Variants in C1GALT1 observed in about 807,000 individuals in gnomAD.
C1GALT1 encodes the protein core 1 synthase, glycoprotein-N-acetylgalactosamine 3-beta-galactosyltransferase 1.
C1GALT1 carries 11 observed loss-of-function variants against 31.0 expected under a neutral mutation model. The observed-to-expected ratio is 0.36, with a 90% CI of 0.22 to 0.59. The LOEUF (loss-of-function observed/expected upper bound fraction) is 0.59, where lower values mean the gene tolerates loss of function less well. Among genes scored for constraint, C1GALT1 ranks in the 20% least tolerant of loss-of-function variants. The pLI, the probability that C1GALT1 is intolerant of heterozygous loss-of-function variation, is 0.79. For synonymous variants in C1GALT1, 175 were observed against 143.6 expected, an observed-to-expected ratio of 1.22 and a Z score of -1.56; for missense variants, 424 against 425.2, an observed-to-expected ratio of 1.00 and a Z score of 0.03.
At chr7:7,163,068 C>G (rs1780354650) in intron 2 of C1GALT1, among the ~76,000 whole-genome samples, 1 of 152,112 alleles carries the variant, frequency 6.6e-6, no homozygotes, top group Non-Finnish European at 1.5e-5. Context: ...TGTAGGTTGC[C>G]TGTTCACTCT....
chr7:7,171,027 A>G (rs555774287), intron 2 of C1GALT1, among the ~76,000 whole-genome samples: 98 of 152,324 alleles, frequency 6.4e-4, no homozygotes, highest in Admixed American at 2.9e-3. Flanking sequence ...TTGTGGCTTA[A>G]CATATCATCT....
chr7:7,189,184 C>CT (rs796544824), intron 1 of C1GALT1, among the ~76,000 whole-genome samples: 4 of 152,018 alleles, frequency 2.6e-5, no homozygotes, highest in African/African-American at 7.2e-5. Flanking sequence ...ATGGCTCTAT[C>CT]TTTTTTTTAA....
At chr7:7,224,601 C>T (rs1249073162) in intron 1 of C1GALT1, among the ~76,000 whole-genome samples, 1 of 152,130 alleles carries the variant, frequency 6.6e-6, no homozygotes, top group Non-Finnish European at 1.5e-5. Context: ...TCCATTTCAT[C>T]TAACTTGTCA....
chr7:7,189,718 T>C (rs1048105697), intron 1 of C1GALT1, among the ~76,000 whole-genome samples: 2 of 152,184 alleles, frequency 1.3e-5, no homozygotes, highest in Non-Finnish European at 2.9e-5. Flanking sequence ...CTCATAGTGT[T>C]TTAATAGTCA....
chr7:7,238,509 T>A lies in C1GALT1; in HGVS notation c.475T>A (p.Leu159Ile). 1.2e-6 allele frequency: 2 copies of A among 1,614,126 alleles called. No homozygotes were observed. Among genetic ancestry groups the A allele is most frequent in the Non-Finnish European group, 1.7e-6 (2 of 1,179,976 alleles). Residue 159 changes from leucine (L) to isoleucine (I), a missense_variant, in exon 3 of 4, where the codon TTA becomes ATA. Leu to Ile is a conservative substitution (Grantham distance 5). This residue lies in a region of C1GALT1 where 44 missense variants were observed against 78.3 expected (regional missense o/e 0.56). Coordinates refer to ENST00000436587, the MANE Select transcript of C1GALT1 (RefSeq NM_020156.5). The surrounding 1 kb of genome is among the most constrained non-coding windows in gnomAD (Gnocchi z 5.2). Reference sequence around the variant, plus strand: ...TTTTCAGTATGTTCATGAACATTATTTAGAAGATGCTGATTGGTTTTTGAA... The same window carrying A: ...TTTTCAGTATGTTCATGAACATTATATAGAAGATGCTGATTGGTTTTTGAA... ...KAFQYVHEHY[L>I]EDADWFLKAD... is the part of the protein sequence containing the mutation.
chr7:7,234,449 A>C lies in C1GALT1; in HGVS notation c.130A>C (p.Asn44His), dbSNP rs367725837. The C allele has an allele frequency of 8.7e-6, 14 of 1,613,840 alleles. No homozygotes were observed. The highest frequency in any genetic ancestry group is 1.1e-5 in the Non-Finnish European group (13 of 1,179,892). Residue 44 changes from asparagine to histidine, a missense_variant, in exon 2 of 4, where the codon AAT becomes CAT. Around this residue, in one of 3 missense-constraint regions of C1GALT1, gnomAD observed 189 missense variants for 158.2 expected, o/e 1.19. Transcript: ENST00000436587. ...TGACACCCAGCCTAATGTTCTTCAT[A>C]ATGATCCTCATGCAAGGCATTCAGA... ...KVDTQPNVLH[N>H]DPHARHSDDN...
At chr7:7,208,370 G>GA (rs747169869) in intron 1 of C1GALT1, among the ~76,000 whole-genome samples, 2 of 152,034 alleles carry the variant, frequency 1.3e-5, no homozygotes, top group Non-Finnish European at 1.5e-5. Context: ...GTATATTTAG[G>GA]AAAAAACATA....
At chr7:7,176,383 A>T (rs1423500864) in intron 2 of C1GALT1, among the ~76,000 whole-genome samples, 1 of 152,138 alleles carries the variant, frequency 6.6e-6, no homozygotes, top group African/African-American at 2.4e-5. Context: ...TAAATAATTT[A>T]CTCCTTTGGG....
chr7:7,193,625 T>G (rs1460735740), intron 1 of C1GALT1, among the ~76,000 whole-genome samples: 1 of 151,680 alleles, frequency 6.6e-6, no homozygotes, highest in African/African-American at 2.4e-5. Flanking sequence ...GGGGGTTGTT[T>G]TTGTTTTTGC....
intron 1 of C1GALT1, among the ~76,000 whole-genome samples, chr7:7,195,090 TTTTG>T (rs1181583792): frequency 1.3e-5 from 2 of 152,198 alleles, no homozygotes; most frequent in African/African-American, 2.4e-5. Context: ...GATCTGTCAA[TTTTG>T]TTTATCTTTT....
chr7:7,211,705 A>G (rs574062775), intron 1 of C1GALT1, among the ~76,000 whole-genome samples: 1 of 152,170 alleles, frequency 6.6e-6, no homozygotes, highest in Non-Finnish European at 1.5e-5. Context: ...AAACAAAGAA[A>G]CCTTCGGGTT....
At chr7:7,173,644 T>G (rs1239030392) in intron 2 of C1GALT1, among the ~76,000 whole-genome samples, 3 of 152,250 alleles carry the variant, frequency 2.0e-5, no homozygotes, top group African/African-American at 7.2e-5. Context: ...GGCTCATGCC[T>G]GTAATCCCAG....
At chr7:7,209,938 G>T (rs1014346045) in intron 1 of C1GALT1, among the ~76,000 whole-genome samples, 2 of 152,120 alleles carry the variant, frequency 1.3e-5, no homozygotes, top group African/African-American at 4.8e-5. Flanking sequence ...GTTCTCTGGC[G>T]GGCAGGGGCG....
upstream of C1GALT1, chr7:7,178,178 C>A (rs1398277330): frequency 4.6e-6 from 1 of 218,820 alleles, no homozygotes; most frequent in Admixed American, 4.3e-5. Context: ...AGATTCTGAT[C>A]TTTGGATAGA....
intron 1 of C1GALT1, among the ~76,000 whole-genome samples, chr7:7,208,547 A>AT (rs1432606516): frequency 1.3e-5 from 2 of 152,104 alleles, no homozygotes; most frequent in African/African-American, 4.8e-5. Flanking sequence ...CTAAAAAAAA[A>AT]GGAAAAGGAC....
At chr7:7,231,984 C>T (rs1783095787) in intron 1 of C1GALT1, among the ~76,000 whole-genome samples, 1 of 152,166 alleles carries the variant, frequency 6.6e-6, no homozygotes, top group Admixed American at 6.5e-5. Context: ...TTTCAGAGTC[C>T]TTGATAAGAG....
At chr7:7,223,116 C>G (rs1782587700) in intron 1 of C1GALT1, among the ~76,000 whole-genome samples, 1 of 152,086 alleles carries the variant, frequency 6.6e-6, no homozygotes, top group African/African-American at 2.4e-5. Context: ...GTTTTTCTTT[C>G]TGGGATAATA....
chr7:7,222,200 G>A (rs532256571), intron 1 of C1GALT1, among the ~76,000 whole-genome samples: 1 of 152,208 alleles, frequency 6.6e-6, no homozygotes, highest in South Asian at 2.1e-4. Context: ...TTTAATTGGA[G>A]TGAAATCAGA....
At chr7:7,193,094 A>G (rs1384342985) in intron 1 of C1GALT1, among the ~76,000 whole-genome samples, 1 of 150,188 alleles carries the variant, frequency 6.7e-6, no homozygotes, top group Non-Finnish European at 1.5e-5. Flanking sequence ...GATTTTCTCC[A>G]CTCTGTGGGT....
Sources: allele counts gnomAD v4.1 joint callset (sites outside exome capture counted in the v4.1 genomes callset), GRCh38; gene constraint gnomAD v4.1.1; regional missense constraint gnomAD v4.1.1; non-coding constraint Gnocchi (gnomAD v3.1); transcripts MANE v1.5; gene names NCBI Gene and HGNC (gene_info 2026-07-23, HGNC 2026-07-21).